ALKBH3: variants seen among roughly 807,000 people sequenced by gnomAD.
The protein encoded by ALKBH3 is alkB homolog 3, alpha-ketoglutarate dependent dioxygenase.
ALKBH3 carries 51 observed loss-of-function variants against 43.9 expected under a neutral mutation model. The observed-to-expected ratio is 1.16, with a 90% CI of 0.93 to 1.47. The LOEUF (loss-of-function observed/expected upper bound fraction) is 1.47. Among genes scored for constraint, ALKBH3 ranks in the 40% most tolerant of loss-of-function variants. ALKBH3 has a pLI of 0.00. For missense variants in ALKBH3, 361 were observed against 351.9 expected (o/e 1.03, Z -0.21); for synonymous variants, 102 against 115.2 (o/e 0.89, Z 0.73).
At chr11:43,897,509 A>C in intron 7 of ALKBH3, 1 of 758,876 alleles carries the variant, frequency 1.3e-6, no homozygotes, top group South Asian at 1.4e-5. Context: ...CCTTCAAATT[A>C]ATTATGGCTG....
chr11:43,893,464 T>C (rs905494827), intron 7 of ALKBH3, among the ~76,000 whole-genome samples: 4 of 152,248 alleles, frequency 2.6e-5, no homozygotes, highest in African/African-American at 9.6e-5. Context: ...TTGACAACTC[T>C]TCAAAATAAT....
At chr11:43,900,178 A>G (rs2135191153) in intron 7 of ALKBH3, among the ~76,000 whole-genome samples, 1 of 148,304 alleles carries the variant, frequency 6.7e-6, no homozygotes, top group South Asian at 2.1e-4. Flanking sequence ...GTTAACATGT[A>G]ATGGATTTGT....
At chr11:43,894,485 T>C (rs1951804662) in intron 7 of ALKBH3, among the ~76,000 whole-genome samples, 1 of 152,202 alleles carries the variant, frequency 6.6e-6, no homozygotes, top group African/African-American at 2.4e-5. Flanking sequence ...TCTAAATTAA[T>C]CCTCTAGTTC....
At position 43,918,878 on chromosome 11, in the gene ALKBH3, A is replaced by G. The variant is rs1952004020; in HGVS notation, c.670-160A>G. 6 of 603,402 alleles carry G rather than the reference A, an allele frequency of 9.9e-6. No individual in the cohort carries two copies. The East Asian group carries it at 1.6e-4, about 17-fold the overall frequency. 37.4% of individuals were successfully genotyped at this position (603,402 alleles called of 1,614,324 possible). Reference sequence around the variant, plus strand: ...AAGTCAGGGTACAGAGAGATGAGGTAACTTGCCAACAGTCAAGCAGCTGCC... The same window carrying G: ...AAGTCAGGGTACAGAGAGATGAGGTGACTTGCCAACAGTCAAGCAGCTGCC... On this transcript the variant is annotated intron_variant, in intron 8 of 9. Transcript: ENST00000302708.
In ALKBH3 at chr11:43,882,901, T is replaced by C. The variant is rs1473875484; in HGVS notation, c.79+170T>C. 1.2e-5 allele frequency: 10 copies of C among 848,654 alleles called. No individual in the cohort carries two copies. The East Asian group carries it at 2.4e-4, about 20-fold the overall frequency. The allele number at this position is 848,654 out of a possible 1,614,324, so 52.6% of individuals were successfully genotyped here. ...TTGTTGATGGTGAGCTAAGGGTGGG[T>C]CTTTAATGTTCCTCATATTTAGTCC... is the stretch of plus-strand genomic sequence containing the variant. On this transcript the variant is annotated intron_variant, in intron 2 of 9. Transcript: ENST00000302708.
At chr11:43,906,248 A>T (rs534570596) in intron 8 of ALKBH3, among the ~76,000 whole-genome samples, 1 of 152,334 alleles carries the variant, frequency 6.6e-6, no homozygotes, top group South Asian at 2.1e-4. Flanking sequence ...TGGAGGTCCT[A>T]GTGTTTCCTT....
At chr11:43,915,882 A>T (rs1309237959) in intron 8 of ALKBH3, among the ~76,000 whole-genome samples, 4 of 152,198 alleles carry the variant, frequency 2.6e-5, no homozygotes, top group Non-Finnish European at 5.9e-5. Flanking sequence ...ATATTTATTC[A>T]TATGTGTGAT....
At chr11:43,889,605 G>A (rs1951769391) in intron 5 of ALKBH3, 120 bp from the exon 6 acceptor site, 2 of 738,126 alleles carry the variant, frequency 2.7e-6, no homozygotes, top group South Asian at 1.8e-5. Flanking sequence ...TGGGAGCTGT[G>A]GTAAGATGAT....
At chr11:43,903,403 A>G (rs1474472123) in intron 8 of ALKBH3, among the ~76,000 whole-genome samples, 1 of 152,234 alleles carries the variant, frequency 6.6e-6, no homozygotes, top group African/African-American at 2.4e-5. Context: ...TAGTAGAGAG[A>G]CACTGTATCA....
At chr11:43,885,139 A>C (rs902957181) in intron 4 of ALKBH3, among the ~76,000 whole-genome samples, 2 of 152,190 alleles carry the variant, frequency 1.3e-5, no homozygotes, top group African/African-American at 2.4e-5. Flanking sequence ...GTTGTAAGCT[A>C]CAGATGTGAC....
rs746416807 is a variant in ALKBH3, at chr11:43,901,499, T to C, written c.460-17T>C. ...TAATGCGACTGTCTTGCCCTTTTCT[T>C]GGTCTGTGGATTGCAGTGGCACCCT... On this transcript the variant is annotated splice_polypyrimidine_tract_variant and intron_variant, in intron 7 of 9. Transcript: ENST00000302708. 1.9e-6 allele frequency: 3 copies of C among 1,612,454 alleles called. No individual in the cohort carries two copies. The South Asian group carries it at 3.3e-5, about 18-fold the overall frequency.
chr11:43,919,922 GA>G lies in ALKBH3; in HGVS notation c.774del (p.Val259CysfsTer12). The G allele has an allele frequency of 6.2e-7, 1 of 1,613,842 alleles. No homozygotes were observed. The highest frequency in any genetic ancestry group is 8.5e-7 in the Non-Finnish European group (1 of 1,179,810). On this transcript the variant is annotated frameshift_variant, in exon 10 of 10. Coordinates refer to ENST00000302708, the MANE Select transcript of ALKBH3 (RefSeq NM_139178.4). LOFTEE classifies it high-confidence loss of function. ...GTTATGTGTATTTCCATTTAGCATCGAGTGCCCAAAGAATACCACTCTAGAG... is the reference window on the plus strand; with the variant it reads ...GTTATGTGTATTTCCATTTAGCATCGGTGCCCAAAGAATACCACTCTAGAG... ...EGATQADWQH[R>X]VPKEYHSREP... is the part of the protein sequence containing the mutation.
At chr11:43,898,067 T>C (rs1951832158) in intron 7 of ALKBH3, 1 of 1,004,094 alleles carries the variant, frequency 1.0e-6, no homozygotes, top group Non-Finnish European at 1.6e-6. Flanking sequence ...GATGCTGTCC[T>C]CAAGGAGGGG....
chr11:43,904,293 A>T (rs1368729250), intron 8 of ALKBH3, among the ~76,000 whole-genome samples: 1 of 152,218 alleles, frequency 6.6e-6, no homozygotes, highest in Non-Finnish European at 1.5e-5. Context: ...AAGTTGCCTG[A>T]GGAAAGGGAT....
intron 8 of ALKBH3, among the ~76,000 whole-genome samples, chr11:43,914,447 G>C (rs145779094): frequency 2.4e-4 from 36 of 151,992 alleles, no homozygotes; most frequent in Admixed American, 5.2e-4. Context: ...AGGATGCTTT[G>C]GTTTAAGTAC....
intron 5 of ALKBH3, among the ~76,000 whole-genome samples, chr11:43,888,806 C>T (rs971933870): frequency 2.3e-4 from 35 of 152,174 alleles, no homozygotes; most frequent in South Asian, 2.1e-4. Flanking sequence ...GAGAATCTTC[C>T]GTGGGCTTTC....
At chr11:43,886,836 A>G (rs1159882757) in intron 5 of ALKBH3, among the ~76,000 whole-genome samples, 183 bp downstream of exon 5, 2 of 152,236 alleles carry the variant, frequency 1.3e-5, no homozygotes, top group Non-Finnish European at 2.9e-5. Context: ...CTTTATCATC[A>G]GCAAACTAAC....
chr11:43,898,604 GGA>G, intron 7 of ALKBH3: 1 of 745,082 alleles, frequency 1.3e-6, no homozygotes, highest in Non-Finnish European at 2.5e-6. Flanking sequence ...ATCAGCTCAT[GGA>G]CCTGCCTGGC....
chr11:43,913,567 A>G (rs1401629109), intron 8 of ALKBH3, among the ~76,000 whole-genome samples: 4 of 152,206 alleles, frequency 2.6e-5, no homozygotes, highest in Admixed American at 6.5e-5. Flanking sequence ...CGTGTATTTG[A>G]TATTTCCCCA....
Sources: gnomAD v4.1 joint callset for allele counts (sites outside exome capture counted in the v4.1 genomes callset) on GRCh38, gnomAD v4.1.1 for gene constraint, MANE v1.5 for transcripts, NCBI Gene and HGNC (gene_info 2026-07-23, HGNC 2026-07-21) for gene names.